ADARB2: variants seen among roughly 807,000 people sequenced by gnomAD.
The protein encoded by ADARB2 is adenosine deaminase RNA specific B2 (inactive).
In ADARB2, 25 loss-of-function variants were observed where a neutral mutation model predicts 62.2. The observed-to-expected ratio is 0.40, with a 90% CI of 0.29 to 0.56. The LOEUF (loss-of-function observed/expected upper bound fraction) is 0.56. ADARB2 is among the 20% of genes least tolerant of loss of function. The pLI is 0.43. For synonymous variants in ADARB2, 572 were observed against 500.8 expected, an observed-to-expected ratio of 1.14 and a Z score of -1.90; for missense variants, 1,071 against 1,077.4, an observed-to-expected ratio of 0.99 and a Z score of 0.08.
At chr10:1,544,074 G>A (rs1053918925) in intron 1 of ADARB2, among the ~76,000 whole-genome samples, 4 of 151,468 alleles carry the variant, frequency 2.6e-5, no homozygotes, top group Admixed American at 6.6e-5. Flanking sequence ...GGGCAATGAT[G>A]ACTTCACTGT....
At chr10:1,453,140 C>T (rs184588550) in intron 1 of ADARB2, among the ~76,000 whole-genome samples, 1 of 152,310 alleles carries the variant, frequency 6.6e-6, no homozygotes, top group East Asian at 1.9e-4. Flanking sequence ...CAAAACGTGG[C>T]CTTGAAGGAG....
intron 1 of ADARB2, among the ~76,000 whole-genome samples, chr10:1,646,634 G>A (rs1345956482): frequency 6.6e-6 from 1 of 152,228 alleles, no homozygotes; most frequent in African/African-American, 2.4e-5. Context: ...ATGAGAGCAG[G>A]GCTCTGGACT....
At position 1,467,241 on chromosome 10, in the gene ADARB2, A is replaced by T. The variant is rs1173754820; in HGVS notation, c.101-88081T>A. 2.6e-5 allele frequency among the ~76,000 whole-genome samples: 4 copies of T among 152,146 alleles called. 1 individual carries two copies. The highest frequency in any genetic ancestry group is 2.6e-4 in the Admixed American group (4 of 15,270). On this transcript the variant is annotated intron_variant, in intron 1 of 9. Coordinates refer to ENST00000381312, the MANE Select transcript of ADARB2 (RefSeq NM_018702.4). ...GGTTTAGCTCTTCTCTACCAATTGGAGAAATGCACAAGATTCAGGGAGATC... is the reference window on the plus strand; with the variant it reads ...GGTTTAGCTCTTCTCTACCAATTGGTGAAATGCACAAGATTCAGGGAGATC...
At chr10:1,287,686 A>G (rs749318731) in intron 3 of ADARB2, among the ~76,000 whole-genome samples, 1 of 152,188 alleles carries the variant, frequency 6.6e-6, no homozygotes. Context: ...TCATCAGTCT[A>G]TTTTTGGTGA....
intron 1 of ADARB2, among the ~76,000 whole-genome samples, chr10:1,587,652 T>C (rs938524544): frequency 6.6e-6 from 1 of 152,192 alleles, no homozygotes; most frequent in African/African-American, 2.4e-5. Context: ...GCTGAACAAT[T>C]TGAAACCAAG....
At chr10:1,354,274 A>C (rs568293317) in intron 3 of ADARB2, among the ~76,000 whole-genome samples, 1 of 152,160 alleles carries the variant, frequency 6.6e-6, no homozygotes, top group Non-Finnish European at 1.5e-5. Flanking sequence ...ACCTGCAGGT[A>C]CACATCCATC....
At chr10:1,205,202 A>T (rs961747163) in intron 7 of ADARB2, among the ~76,000 whole-genome samples, 1 of 152,160 alleles carries the variant, frequency 6.6e-6, no homozygotes. Flanking sequence ...CGCCACGTGG[A>T]GATGAAGTGA....
chr10:1,407,629 T>C (rs1416299258), intron 1 of ADARB2, among the ~76,000 whole-genome samples: 1 of 152,182 alleles, frequency 6.6e-6, no homozygotes, highest in Non-Finnish European at 1.5e-5. Flanking sequence ...CGGGGCATAG[T>C]CCTAGCCCAG....
chr10:1,224,787 G>T (rs1830729721), intron 6 of ADARB2, among the ~76,000 whole-genome samples: 1 of 152,208 alleles, frequency 6.6e-6, no homozygotes, highest in Admixed American at 6.5e-5. Context: ...GAGACAGTTT[G>T]TTATAATTTC....
intron 1 of ADARB2, among the ~76,000 whole-genome samples, chr10:1,458,991 G>C (rs777490051): frequency 6.6e-6 from 1 of 152,100 alleles, no homozygotes; most frequent in Non-Finnish European, 1.5e-5. Context: ...CTGTAATGAG[G>C]TACCATCTCA....
At chr10:1,465,330 G>A (rs532049768) in intron 1 of ADARB2, among the ~76,000 whole-genome samples, 22 of 152,304 alleles carry the variant, frequency 1.4e-4, no homozygotes, top group South Asian at 4.1e-4. Flanking sequence ...ACCCAGCACC[G>A]TGCACCAAAG....
At chr10:1,446,819 A>G (rs1293820153) in intron 1 of ADARB2, among the ~76,000 whole-genome samples, 2 of 152,192 alleles carry the variant, frequency 1.3e-5, no homozygotes, top group Admixed American at 6.5e-5. Context: ...TTGTGAACAT[A>G]TTCAACGATT....
intron 6 of ADARB2, among the ~76,000 whole-genome samples, chr10:1,224,084 C>G (rs1347633540): frequency 1.3e-5 from 2 of 152,080 alleles, no homozygotes; most frequent in African/African-American, 4.8e-5. Flanking sequence ...AGCTGTTGAT[C>G]ATTGCCTCAA....
chr10:1,404,021 G>A (rs1382997311), intron 1 of ADARB2, among the ~76,000 whole-genome samples: 1 of 152,202 alleles, frequency 6.6e-6, no homozygotes, highest in East Asian at 1.9e-4. Context: ...TCCACTCTCA[G>A]CAAGCCAGGG....
chr10:1,649,270 T>G (rs1834081971), intron 1 of ADARB2, among the ~76,000 whole-genome samples: 1 of 152,260 alleles, frequency 6.6e-6, no homozygotes, highest in African/African-American at 2.4e-5. Context: ...GTACTTGGTT[T>G]GAAATCGTAT....
At chr10:1,482,081 C>T (rs1831480455) in intron 1 of ADARB2, among the ~76,000 whole-genome samples, 1 of 152,160 alleles carries the variant, frequency 6.6e-6, no homozygotes, top group Non-Finnish European at 1.5e-5. Flanking sequence ...TACTAAAACA[C>T]ACCACAGGAA....
chr10:1,668,394 G>A (rs1320912780), intron 1 of ADARB2, among the ~76,000 whole-genome samples: 4 of 152,216 alleles, frequency 2.6e-5, no homozygotes. Context: ...ACTGACATGT[G>A]TGCTGTTAGT....
intron 1 of ADARB2, among the ~76,000 whole-genome samples, chr10:1,615,114 T>A (rs1336998743): frequency 6.6e-6 from 1 of 152,202 alleles, no homozygotes; most frequent in Non-Finnish European, 1.5e-5. Flanking sequence ...TTTAAATTTT[T>A]ATTTTTTTGC....
intron 1 of ADARB2, among the ~76,000 whole-genome samples, chr10:1,543,750 C>T (rs1055234140): frequency 6.6e-6 from 1 of 152,148 alleles, no homozygotes; most frequent in South Asian, 2.1e-4. Flanking sequence ...CCTGAGCAGC[C>T]GGGCCTGCGT....
Sources: gnomAD v4.1 joint callset for allele counts (sites outside exome capture counted in the v4.1 genomes callset) on GRCh38, gnomAD v4.1.1 for gene constraint, MANE v1.5 for transcripts, NCBI Gene and HGNC (gene_info 2026-07-23, HGNC 2026-07-21) for gene names.